Variants in MYO1E observed in about 807,000 individuals in gnomAD.
MYO1E encodes unconventional myosin-Ie.
Under a neutral mutation model 151.1 loss-of-function variants are expected in MYO1E, and 68 were observed. That is an observed-to-expected ratio of 0.45 (90% confidence interval 0.37 to 0.55). The LOEUF (loss-of-function observed/expected upper bound fraction) is 0.55. Among genes scored for constraint, MYO1E ranks in the 20% least tolerant of loss-of-function variants. The pLI is 0.00. For synonymous variants in MYO1E, 601 were observed against 501.7 expected (o/e 1.20, Z -2.64); for missense variants, 1,363 against 1,389.3 (o/e 0.98, Z 0.30).
chr15:59,323,983 A>G (rs1483655990), intron 1 of MYO1E, among the ~76,000 whole-genome samples: 2 of 152,122 alleles, frequency 1.3e-5, no homozygotes, highest in East Asian at 3.9e-4. Context: ...AAGGCAGGAA[A>G]AAAAAAAACA....
intron 1 of MYO1E, among the ~76,000 whole-genome samples, chr15:59,275,038 A>G (rs2080309878): frequency 1.3e-5 from 2 of 152,182 alleles, no homozygotes; most frequent in South Asian, 4.1e-4. Context: ...CCTAGGAGAG[A>G]GGGGTTAACA....
intron 1 of MYO1E, among the ~76,000 whole-genome samples, chr15:59,294,112 G>A (rs2080435552): frequency 6.6e-6 from 1 of 152,308 alleles, no homozygotes; most frequent in Non-Finnish European, 1.5e-5. Flanking sequence ...ACTGGAAAGA[G>A]CGTCTGGCTG....
intron 24 of MYO1E, among the ~76,000 whole-genome samples, chr15:59,160,387 TTTTA>T (rs555005403): frequency 1.4e-5 from 2 of 139,792 alleles, no homozygotes; most frequent in Middle Eastern, 3.9e-3. Context: ...GTGTATGGTG[TTTTA>T]TTTCTTTTTC....
At chr15:59,304,852 C>A (rs2080505386) in intron 1 of MYO1E, among the ~76,000 whole-genome samples, 1 of 152,188 alleles carries the variant, frequency 6.6e-6, no homozygotes. Context: ...TTGTCTTTAC[C>A]CTGTCATAAT....
At chr15:59,319,550 CTTTTTTTTTTTTTT>C (rs59491381) in intron 1 of MYO1E, among the ~76,000 whole-genome samples, 27 of 63,730 alleles carry the variant, frequency 4.2e-4, no homozygotes, top group Non-Finnish European at 8.3e-4. Context: ...GTCAAACTAC[CTTTTTTTTTTTTTT>C]TTTTTTTTTT....
intron 22 of MYO1E, among the ~76,000 whole-genome samples, chr15:59,166,973 C>A (rs1450413723): frequency 6.6e-6 from 1 of 152,214 alleles, no homozygotes; most frequent in Non-Finnish European, 1.5e-5. Flanking sequence ...GAGGCAGTGA[C>A]TGTGCCTCAT....
intron 26 of MYO1E, among the ~76,000 whole-genome samples, chr15:59,147,107 T>G (rs757236172): frequency 1.3e-5 from 2 of 152,078 alleles, no homozygotes; most frequent in Non-Finnish European, 2.9e-5. Context: ...CCCGAGACAT[T>G]TGGATGTCAG....
At chr15:59,150,794 CGTG>C (rs1255391262) in intron 26 of MYO1E, among the ~76,000 whole-genome samples, 1 of 152,120 alleles carries the variant, frequency 6.6e-6, no homozygotes, top group African/African-American at 2.4e-5. Flanking sequence ...CACCTGGGAA[CGTG>C]GTACAAATGC....
intron 1 of MYO1E, among the ~76,000 whole-genome samples, chr15:59,359,256 T>TAA (rs1395937946): frequency 6.9e-6 from 1 of 145,120 alleles, no homozygotes; most frequent in Non-Finnish European, 1.5e-5. Flanking sequence ...TGAGACCCTG[T>TAA]AAAATATATA....
intron 1 of MYO1E, among the ~76,000 whole-genome samples, chr15:59,289,024 G>A (rs1218338442): frequency 1.3e-5 from 2 of 152,182 alleles, no homozygotes; most frequent in African/African-American, 4.8e-5. Flanking sequence ...AAATATTGTA[G>A]CTGGAAGGGG....
intron 1 of MYO1E, among the ~76,000 whole-genome samples, chr15:59,351,645 G>A (rs11858264): frequency 6.6e-6 from 1 of 151,910 alleles, no homozygotes. Flanking sequence ...CTTAAGAAAC[G>A]CTTATAATGT....
At chr15:59,217,803 C>T (rs2079928679) in intron 10 of MYO1E, 88 bp downstream of exon 10, 1 of 1,449,996 alleles carries the variant, frequency 6.9e-7, no homozygotes, top group Non-Finnish European at 9.7e-7. Context: ...ACTGGGATTA[C>T]AGGTGTGAGC....
chr15:59,211,400 G>A (rs2079878487), intron 12 of MYO1E, among the ~76,000 whole-genome samples: 1 of 151,968 alleles, frequency 6.6e-6, no homozygotes, highest in South Asian at 2.1e-4. Context: ...TTTATATGTG[G>A]TAGAGTCTCA....
rs890448809 is a variant in MYO1E at position 59,135,678 on chromosome 15, G to A, written c.*1702C>T. ...ACACAGCAGAATTAAATGTATCTTC[G>A]TTTCAAATCTAGATCAATTTTTTTC... On this transcript the variant is annotated 3_prime_UTR_variant, in exon 28 of 28. Coordinates refer to ENST00000288235, the MANE Select transcript of MYO1E (RefSeq NM_004998.4). 6.6e-6 allele frequency: 1 copy of A among 152,132 alleles called. No homozygotes were observed. The highest frequency in any genetic ancestry group is 1.5e-5 in the Non-Finnish European group (1 of 68,030). The allele number at this position is 152,132 out of a possible 1,614,324, so 9.4% of individuals were successfully genotyped here. A position where few individuals can be genotyped will look rare whatever the true frequency, so the allele number is the denominator to read the frequency against.
intron 1 of MYO1E, among the ~76,000 whole-genome samples, chr15:59,333,004 G>T (rs746402842): frequency 6.6e-6 from 1 of 152,164 alleles, no homozygotes; most frequent in South Asian, 2.1e-4. Context: ...GGACAGAGAT[G>T]TGCATTCCAA....
chr15:59,317,084 G>C (rs1383752288), intron 1 of MYO1E, among the ~76,000 whole-genome samples: 1 of 152,168 alleles, frequency 6.6e-6, no homozygotes, highest in Non-Finnish European at 1.5e-5. Flanking sequence ...TATGCCAAAA[G>C]GGGCATGTAC....
intron 1 of MYO1E, among the ~76,000 whole-genome samples, chr15:59,368,349 C>T (rs2080925980): frequency 6.6e-6 from 1 of 152,186 alleles, no homozygotes; most frequent in Non-Finnish European, 1.5e-5. Flanking sequence ...GGCACAGTGG[C>T]TCATGCCTGT....
At chr15:59,260,548 T>C (rs76048150) in intron 3 of MYO1E, among the ~76,000 whole-genome samples, 1,657 of 152,238 alleles carry the variant, frequency 0.011, 34 homozygotes, top group African/African-American at 0.038. Flanking sequence ...GATGCAGAGA[T>C]GGGGAGGCCT....
At chr15:59,258,003 G>A (rs1012231121) in intron 3 of MYO1E, among the ~76,000 whole-genome samples, 3 of 152,204 alleles carry the variant, frequency 2.0e-5, no homozygotes, top group Non-Finnish European at 2.9e-5. Flanking sequence ...AGCCTCCAGT[G>A]CTGCCATATG....
Sources: gnomAD v4.1 joint callset for allele counts (sites outside exome capture counted in the v4.1 genomes callset) on GRCh38, gnomAD v4.1.1 for gene constraint, MANE v1.5 for transcripts, NCBI Gene and HGNC (gene_info 2026-07-23, HGNC 2026-07-21) for gene names.